ADAMTS9: variants seen among roughly 807,000 people sequenced by gnomAD.
The protein encoded by ADAMTS9 is A disintegrin and metalloproteinase with thrombospondin motifs 9.
Under a neutral mutation model 257.1 loss-of-function variants are expected in ADAMTS9, and 107 were observed. The observed-to-expected ratio is 0.42, with a 90% CI of 0.36 to 0.49. The LOEUF is 0.49. Ranked by LOEUF, ADAMTS9 falls within the 20% of genes least tolerant of loss-of-function variation. ADAMTS9 has a pLI of 0.03. For missense variants in ADAMTS9, 2,353 were observed against 2,469.1 expected, an observed-to-expected ratio of 0.95 and a Z score of 1.00; for synonymous variants, 982 against 880.9, an observed-to-expected ratio of 1.11 and a Z score of -2.03.
intron 11 of ADAMTS9, among the ~76,000 whole-genome samples, chr3:64,644,719 T>C (rs141044980): frequency 2.0e-5 from 3 of 152,284 alleles, no homozygotes; most frequent in African/African-American, 7.2e-5. Flanking sequence ...TGGAAATACA[T>C]TTTTTCCCTC....
chr3:64,628,167 A>G (rs1312922941), intron 16 of ADAMTS9, among the ~76,000 whole-genome samples: 1 of 152,140 alleles, frequency 6.6e-6, no homozygotes, highest in Non-Finnish European at 1.5e-5. Context: ...ACTGGCTCAG[A>G]TTGCCTGTGC....
chr3:64,541,035 C>A, intron 36 of ADAMTS9, 60 bp downstream of exon 36: 1 of 1,601,208 alleles, frequency 6.2e-7, no homozygotes. Context: ...GCAAGACATG[C>A]TTGCTGTCTG....
intron 30 of ADAMTS9, among the ~76,000 whole-genome samples, chr3:64,559,231 T>A (rs1289105416): frequency 2.0e-5 from 3 of 152,172 alleles, no homozygotes; most frequent in Non-Finnish European, 4.4e-5. Flanking sequence ...TCTTGCTGCT[T>A]TGGGGACATT....
intron 3 of ADAMTS9, among the ~76,000 whole-genome samples, chr3:64,665,283 C>T (rs1701326189): frequency 6.6e-6 from 1 of 152,192 alleles, no homozygotes; most frequent in Admixed American, 6.5e-5. Context: ...GTCACGCTTA[C>T]ACTGCCACAA....
chr3:64,649,632 C>T lies in ADAMTS9; in HGVS notation c.1605+5G>A. On this transcript the variant is annotated splice_donor_5th_base_variant and intron_variant, in intron 10 of 39. Transcript: ENST00000498707. ...TGAGGGCAGAAGTGGCCCTCCTACA[C>T]TTACCATATATGGGCACACCTGAGA... 6.2e-7 allele frequency: 1 copy of T among 1,611,100 alleles called. No individual in the cohort carries two copies. The highest frequency in any genetic ancestry group is 1.1e-5 in the South Asian group (1 of 90,432).
intron 31 of ADAMTS9, among the ~76,000 whole-genome samples, chr3:64,548,255 G>A (rs1177542855): frequency 6.6e-6 from 1 of 152,180 alleles, no homozygotes; most frequent in South Asian, 2.1e-4. Flanking sequence ...AACAAGTCCA[G>A]CTAGAGGCAC....
rs769389617 is a variant in ADAMTS9, at chr3:64,681,206, G to T, written c.674C>A (p.Thr225Asn). 1.2e-6 allele frequency: 2 copies of T among 1,612,248 alleles called. No individual in the cohort carries two copies. The highest frequency in any genetic ancestry group is 1.7e-5 in the Admixed American group (1 of 59,664). ...CTTAAGCAAGAAGCAAATACCTGAGGTGTCACATGCATGCCTTCCTGTTGA... is the reference window on the plus strand; with the variant it reads ...CTTAAGCAAGAAGCAAATACCTGAGTTGTCACATGCATGCCTTCCTGTTGA... The part of the protein sequence containing the change: ...EPSTGRHACD[T>N]SEHKNRHSKD... The change falls in exon 3 of 40, where the codon ACC becomes AAC. Residue 225 changes from threonine (T) to asparagine (N), a missense_variant. Thr to Asn is a moderately conservative substitution (Grantham distance 65). Transcript: ENST00000498707.
chr3:64,573,037 A>G (rs2083733920), intron 28 of ADAMTS9, among the ~76,000 whole-genome samples: 5 of 146,908 alleles, frequency 3.4e-5, no homozygotes, highest in Admixed American at 7.0e-5. Flanking sequence ...AAGATCCTCC[A>G]CTGCACTCCA....
Position 64,687,941 on chromosome 3 carries a change from C to T in ADAMTS9, c.-284G>A, listed in dbSNP as rs1206659059. 3 of 273,054 alleles carry T rather than the reference C, an allele frequency of 1.1e-5. No homozygotes were observed. Among genetic ancestry groups the T allele is most frequent in the Non-Finnish European group, 2.1e-5 (3 of 145,896 alleles). The allele number at this position is 273,054 out of a possible 1,614,324, so 16.9% of individuals were successfully genotyped here. On this transcript the variant is annotated 5_prime_UTR_variant, in exon 1 of 40. Coordinates refer to ENST00000498707, the MANE Select transcript of ADAMTS9 (RefSeq NM_182920.2). This position sits in a 1 kb window ranked among gnomAD's most constrained non-coding sequence, Gnocchi z 4.4. The stretch of plus-strand genomic sequence containing the variant: ...GCTCGGCTGCTTGGCCGCATAATGC[C>T]CAGCGAGCGGGCAGGAGAAGGCGAG...
intron 11 of ADAMTS9, 116 bp from the exon 12 acceptor site, chr3:64,642,109 C>T (rs1700661116): frequency 8.4e-7 from 1 of 1,185,464 alleles, no homozygotes; most frequent in Non-Finnish European, 1.2e-6. Flanking sequence ...GTTTGAAATG[C>T]TGCAGGTTCA....
chr3:64,613,800 G>C (rs2084711874), intron 21 of ADAMTS9, among the ~76,000 whole-genome samples: 1 of 152,110 alleles, frequency 6.6e-6, no homozygotes, highest in Non-Finnish European at 1.5e-5. Context: ...TAGGAGTTAA[G>C]CATGGGGAAT....
intron 39 of ADAMTS9, among the ~76,000 whole-genome samples, chr3:64,517,416 G>GTTTTTTTTTTTTTTTTGTTTTTTT (rs2082790000): frequency 1.9e-5 from 1 of 52,638 alleles, no homozygotes; most frequent in Non-Finnish European, 3.8e-5. Flanking sequence ...ATTAAAAATG[G>GTTTTTTTTTTTTTTTTGTTTTTTT]TTTTTTTTTT....
chr3:64,535,580 G>T (rs1379294703), intron 37 of ADAMTS9, among the ~76,000 whole-genome samples: 1 of 129,490 alleles, frequency 7.7e-6, no homozygotes, highest in African/African-American at 2.9e-5. Flanking sequence ...TTGAGACAAG[G>T]TCTCACTCTG....
rs541195975 is a variant in ADAMTS9 at position 64,672,071 on chromosome 3, T to C, written c.679+9130A>G. ...TACTCAAGTGAAAGGTCTGAAGGGT[T>C]CTCAGGTTAACACCAAAATCCTCCT... On this transcript the variant is annotated intron_variant, in intron 3 of 39. Transcript: ENST00000498707. 3.3e-5 allele frequency among the ~76,000 whole-genome samples: 5 copies of C among 152,316 alleles called. No homozygotes were observed. The South Asian group carries it at 6.2e-4, about 19-fold the overall frequency.
intron 12 of ADAMTS9, among the ~76,000 whole-genome samples, chr3:64,635,112 C>G (rs1188689022): frequency 6.6e-6 from 1 of 152,188 alleles, no homozygotes; most frequent in Non-Finnish European, 1.5e-5. Flanking sequence ...TGATCCAATT[C>G]TGCAGTTGGC....
intron 29 of ADAMTS9, 62 bp from the exon 30 acceptor site, chr3:64,561,813 G>GGGT: frequency 8.7e-7 from 1 of 1,149,920 alleles, no homozygotes; most frequent in South Asian, 1.4e-5. Flanking sequence ...GGGGCGGGGG[G>GGGT]TGTCGAGGGT....
chr3:64,613,361 G>A lies in ADAMTS9; in HGVS notation c.3338C>T (p.Ala1113Val), dbSNP rs368664701. ...TCAAAATACCTGTCCCCAGGGACCC[G>A]CCTGCCAGGATGCACATTCCGGCTG... Reference protein sequence around the residue: ...CQQPECASWQAGPWGQCSVTC... With the variant: ...CQQPECASWQVGPWGQCSVTC... The change falls in exon 22 of 40, where the codon GCG (alanine) becomes GTG (valine). Residue 1113 changes from alanine (A) to valine (V), a missense_variant. Around this residue, in one of 3 missense-constraint regions of ADAMTS9, gnomAD observed 1,402 missense variants for 1,441.4 expected, o/e 0.97. Coordinates refer to ENST00000498707, the MANE Select transcript of ADAMTS9 (RefSeq NM_182920.2). 4.0e-5 allele frequency: 65 copies of A among 1,613,484 alleles called. No homozygotes were observed. The highest frequency in any genetic ancestry group is 5.2e-5 in the Non-Finnish European group (61 of 1,179,744).
intron 16 of ADAMTS9, 129 bp from the exon 17 acceptor site, chr3:64,622,715 T>G: frequency 2.1e-6 from 2 of 955,252 alleles, no homozygotes; most frequent in Non-Finnish European, 3.1e-6. Context: ...CAGACAGGCA[T>G]GGCTTCAAGT....
chr3:64,642,498 C>G (rs1480208763), intron 11 of ADAMTS9, among the ~76,000 whole-genome samples: 1 of 151,734 alleles, frequency 6.6e-6, no homozygotes. Context: ...AGGAAAGCGT[C>G]AGGATGAGAC....
Sources: gnomAD v4.1 joint callset for allele counts (sites outside exome capture counted in the v4.1 genomes callset) on GRCh38, gnomAD v4.1.1 for gene constraint, gnomAD v4.1.1 regional missense constraint, Gnocchi (gnomAD v3.1) non-coding constraint, MANE v1.5 for transcripts, NCBI Gene and HGNC (gene_info 2026-07-23, HGNC 2026-07-21) for gene names.